Variants in KIF24 observed in about 807,000 individuals in gnomAD.
The protein encoded by KIF24 is kinesin family member 24.
Under a neutral mutation model 118.9 loss-of-function variants are expected in KIF24, and 81 were observed. That is an observed-to-expected ratio of 0.68 (90% CI 0.57 to 0.82). KIF24 has a LOEUF of 0.82. Among genes scored for constraint, KIF24 ranks in the 40% least tolerant of loss-of-function variants. KIF24 has a pLI of 0.00. For synonymous variants in KIF24, 599 were observed against 610.0 expected (o/e 0.98, Z 0.27); for missense variants, 1,560 against 1,661.6 (o/e 0.94, Z 1.06).
At chr9:34,266,577 C>T (rs1057334711) in intron 8 of KIF24, among the ~76,000 whole-genome samples, 4 of 151,154 alleles carry the variant, frequency 2.6e-5, no homozygotes, top group Admixed American at 6.6e-5. Flanking sequence ...ACTCGGGAGG[C>T]TGAGGCAGGA....
intron 11 of KIF24, 137 bp from the exon 12 acceptor site, chr9:34,255,302 A>G: frequency 1.6e-6 from 1 of 620,120 alleles, no homozygotes; most frequent in South Asian, 1.9e-5. Flanking sequence ...AGGCCAGCTT[A>G]CCAACCAGCT....
At chr9:34,268,322 C>T (rs951498161) in intron 8 of KIF24, among the ~76,000 whole-genome samples, 2 of 151,708 alleles carry the variant, frequency 1.3e-5, no homozygotes, top group Non-Finnish European at 2.9e-5. Context: ...TGCCACCATG[C>T]CCAACTAATT....
intron 4 of KIF24, among the ~76,000 whole-genome samples, chr9:34,293,812 T>C (rs989865515): frequency 2.6e-5 from 4 of 152,170 alleles, no homozygotes; most frequent in African/African-American, 7.2e-5. Context: ...CATCAGGCAT[T>C]GGAGAAACTC....
At chr9:34,294,007 T>C (rs1587946824) in intron 4 of KIF24, among the ~76,000 whole-genome samples, 1 of 152,234 alleles carries the variant, frequency 6.6e-6, no homozygotes, top group East Asian at 1.9e-4. Flanking sequence ...TCTTGCTCTG[T>C]TGCCCAGGCT....
In KIF24 at chr9:34,306,416, G is replaced by A. The variant is rs1836920928; in HGVS notation, c.649C>T (p.Pro217Ser). The A allele has an allele frequency of 6.2e-7, 1 of 1,607,548 alleles. No homozygotes were observed. Among genetic ancestry groups the A allele is most frequent in the Non-Finnish European group, 8.5e-7 (1 of 1,177,480 alleles). The change falls in exon 3 of 13, where the codon CCT becomes TCT. Residue 217 changes from proline (P) to serine (S), a missense_variant. Physicochemically the swap from Pro to Ser is moderately conservative, Grantham distance 74. Around this residue, in one of 3 missense-constraint regions of KIF24, gnomAD observed 964 missense variants for 988.0 expected, o/e 0.98. Coordinates refer to ENST00000402558, the MANE Select transcript of KIF24 (RefSeq NM_194313.4). ...IRQNTSEKQN[P>S]WTEMEKIRVC... ...CTGATTTTCTCCATCTCAGTCCAAG[G>A]ATTCTGTTTCTCTGAAGTGTTCTGT...
chr9:34,263,805 G>A (rs1183875204), intron 8 of KIF24, among the ~76,000 whole-genome samples: 2 of 144,724 alleles, frequency 1.4e-5, no homozygotes. Flanking sequence ...TCAAACTCCT[G>A]GCCTCAAATG....
intron 3 of KIF24, among the ~76,000 whole-genome samples, chr9:34,299,823 CGTGTGTGTGTGT>C (rs34056151): frequency 2.3e-4 from 31 of 133,266 alleles, no homozygotes; most frequent in African/African-American, 8.2e-4. Context: ...TGTGTGTGTG[CGTGTGTGTGTGT>C]GTGTGTGTGT....
intron 1 of KIF24, among the ~76,000 whole-genome samples, chr9:34,320,967 G>A (rs1338512451): frequency 6.6e-6 from 1 of 151,998 alleles, no homozygotes; most frequent in Non-Finnish European, 1.5e-5. Flanking sequence ...TGTTTTCTTT[G>A]TAGTTACGTA....
At chr9:34,295,642 C>T (rs1836440244) in intron 4 of KIF24, among the ~76,000 whole-genome samples, 1 of 152,086 alleles carries the variant, frequency 6.6e-6, no homozygotes, top group Admixed American at 6.5e-5. Context: ...TGCACCACTG[C>T]ACTTTGGCCT....
At chr9:34,305,854 C>A (rs2131800889) in intron 3 of KIF24, among the ~76,000 whole-genome samples, 1 of 152,328 alleles carries the variant, frequency 6.6e-6, no homozygotes, top group Middle Eastern at 3.4e-3. Flanking sequence ...GATCCTCCCA[C>A]TGCAGCCTCC....
At chr9:34,293,541 G>A (rs557519922) in intron 4 of KIF24, among the ~76,000 whole-genome samples, 9 of 150,784 alleles carry the variant, frequency 6.0e-5, no homozygotes, top group Non-Finnish European at 1.3e-4. Context: ...TTGGGAGGCC[G>A]AGGCAGGTGA....
chr9:34,320,197 T>C (rs7853609), intron 1 of KIF24, among the ~76,000 whole-genome samples: 34,138 of 151,846 alleles, frequency 0.22, 4,523 homozygotes, highest in East Asian at 0.61. Flanking sequence ...TGGTCAAGAA[T>C]GGCGTCATGG....
intron 11 of KIF24, 121 bp downstream of exon 11, chr9:34,255,614 A>G (rs1027192483): frequency 2.4e-6 from 2 of 848,008 alleles, no homozygotes; most frequent in East Asian, 2.7e-5. Context: ...TTGGAGCTAG[A>G]AGCAGACTAG....
chr9:34,277,992 T>C lies in KIF24; in HGVS notation c.1216-6062A>G, dbSNP rs185748213. Among the ~76,000 whole-genome samples the C allele has an allele frequency of 1.1e-4, 16 of 152,284 alleles. No individual in the cohort carries two copies. In the East Asian group the frequency reaches 2.9e-3, roughly 27 times the overall value. ...TTTCTTATCTATAAAATGGGAATTA[T>C]GGCCGGGCACAGAGGCTCACGCCTG... On this transcript the variant is annotated intron_variant, in intron 6 of 12. Coordinates refer to ENST00000402558, the MANE Select transcript of KIF24 (RefSeq NM_194313.4).
chr9:34,267,982 G>A (rs1835356327), intron 8 of KIF24, among the ~76,000 whole-genome samples: 1 of 152,142 alleles, frequency 6.6e-6, no homozygotes, highest in Admixed American at 6.5e-5. Context: ...AAAAATGAAA[G>A]AGGGAATAAG....
At chr9:34,277,934 T>C (rs1448760032) in intron 6 of KIF24, among the ~76,000 whole-genome samples, 1 of 152,178 alleles carries the variant, frequency 6.6e-6, no homozygotes, top group Non-Finnish European at 1.5e-5. Flanking sequence ...TTGTGTAGAC[T>C]ACCGCAAGTC....
At position 34,257,702 on chromosome 9, in the gene KIF24, C is replaced by A; in HGVS notation, c.1905G>T (p.Gly635=). Residue 635 remains glycine, a synonymous_variant, in exon 11 of 13, where the codon GGG becomes GGT. Coordinates refer to ENST00000402558, the MANE Select transcript of KIF24 (RefSeq NM_194313.4). The part of the protein sequence containing the change: ...KVSGKRGGSR[G]SPSQEWVIHA... ...GAATGACCCACTCTTGTGAAGGACT[C>A]CCTCTGGAGCCACCCCTTTTACCAG... 1 of 1,614,040 alleles carries A rather than the reference C, an allele frequency of 6.2e-7. No homozygotes were observed. The highest frequency in any genetic ancestry group is 1.3e-5 in the African/African-American group (1 of 75,054).
Position 34,311,372 on chromosome 9 carries a change from C to G in KIF24, c.-25-1G>C. The G allele has an allele frequency of 6.8e-7, 1 of 1,479,092 alleles. No individual in the cohort carries two copies. 91.6% of individuals were successfully genotyped at this position (1,479,092 alleles called of 1,614,324 possible). A position where few individuals can be genotyped will look rare whatever the true frequency, so the allele number is the denominator to read the frequency against. ...TTTGGTGAATAGGTTTCTATAAACTCTGAAGAGAGAAAGAAAAGCCATTCG... is the reference window on the plus strand; with the variant it reads ...TTTGGTGAATAGGTTTCTATAAACTGTGAAGAGAGAAAGAAAAGCCATTCG... On this transcript the variant is annotated splice_acceptor_variant, in intron 1 of 12. Transcript: ENST00000402558. LOFTEE classifies it low-confidence loss of function (5UTR_SPLICE).
intron 4 of KIF24, among the ~76,000 whole-genome samples, chr9:34,291,292 T>G (rs1836245356): frequency 6.6e-6 from 1 of 152,050 alleles, no homozygotes; most frequent in Non-Finnish European, 1.5e-5. Flanking sequence ...AGGAATAGCG[T>G]GAACAGAGGC....
Sources: allele counts gnomAD v4.1 joint callset (sites outside exome capture counted in the v4.1 genomes callset), GRCh38; gene constraint gnomAD v4.1.1; regional missense constraint gnomAD v4.1.1; transcripts MANE v1.5; gene names NCBI Gene and HGNC (gene_info 2026-07-23, HGNC 2026-07-21).